The following KRTAP3-3 variants were observed in gnomAD, a reference collection of about 807,000 sequenced individuals.
KRTAP3-3 encodes keratin-associated protein 3-3.
Under a neutral mutation model 5.7 loss-of-function variants are expected in KRTAP3-3, and 8 were observed. That is an observed-to-expected ratio of 1.40 (90% CI 0.82 to 2.52). The LOEUF (loss-of-function observed/expected upper bound fraction) is 2.52. Ranked by LOEUF, KRTAP3-3 falls within the 30% of genes most tolerant of loss-of-function variation. The probability of loss-of-function intolerance (pLI) is 0.00; values close to 1 mark genes in which losing one functional copy is unlikely to be tolerated. For missense variants in KRTAP3-3, 98 were observed against 121.5 expected (o/e 0.81, Z 0.91); for synonymous variants, 49 against 47.0 (o/e 1.04, Z -0.17).
rs766641494 is a variant in KRTAP3-3 at position 40,993,761 on chromosome 17, G to A, written c.*40C>T. 6.2e-7 allele frequency: 1 copy of A among 1,602,986 alleles called. No individual in the cohort carries two copies. Among genetic ancestry groups the A allele is most frequent in the Non-Finnish European group, 8.5e-7 (1 of 1,172,906 alleles). On this transcript the variant is annotated 3_prime_UTR_variant, in exon 1 of 1. Coordinates refer to ENST00000391586, the MANE Select transcript of KRTAP3-3 (RefSeq NM_033185.3). The stretch of plus-strand genomic sequence containing the variant: ...AGGTGAATGCTAAAGCTTCTATGTT[G>A]ACTTTTTCAATCTCAGGCACTGAGC...
Position 40,993,911 on chromosome 17 carries a change from G to A in KRTAP3-3, c.187C>T (p.Pro63Ser), listed in dbSNP as rs1912765812. 6 of 1,613,902 alleles carry A rather than the reference G, an allele frequency of 3.7e-6. No homozygotes were observed. The highest frequency in any genetic ancestry group is 1.7e-5 in the Admixed American group (1 of 59,990). Reference protein sequence around the residue: ...PPCHIPQPCVPTCFLLNSCQP... With the variant: ...PPCHIPQPCVSTCFLLNSCQP... The stretch of plus-strand genomic sequence containing the variant: ...CAGGAGTTGAGCAGGAAGCAGGTGG[G>A]CACGCAGGGCTGAGGAATGTGGCAG... Residue 63 changes from proline (P) to serine (S), a missense_variant, in exon 1 of 1, where the codon CCC becomes TCC. Pro to Ser is a moderately conservative substitution (Grantham distance 74). Transcript: ENST00000391586.
In KRTAP3-3 at chr17:40,993,679, A is replaced by G; in HGVS notation, c.*122T>C. Reference sequence around the variant, plus strand: ...TTTTTTTGCAGGGGGTGATTGTGGTAGTACCATCCTTGTTCCAATTTCTAA... The same window carrying G: ...TTTTTTTGCAGGGGGTGATTGTGGTGGTACCATCCTTGTTCCAATTTCTAA... On this transcript the variant is annotated 3_prime_UTR_variant, in exon 1 of 1. Coordinates refer to ENST00000391586, the MANE Select transcript of KRTAP3-3 (RefSeq NM_033185.3). The G allele has an allele frequency of 7.1e-7, 1 of 1,400,832 alleles. No individual in the cohort carries two copies. Among genetic ancestry groups the G allele is most frequent in the Non-Finnish European group, 9.6e-7 (1 of 1,040,748 alleles). The allele number at this position is 1,400,832 out of a possible 1,614,324, so 86.8% of individuals were successfully genotyped here.
Position 40,994,164 on chromosome 17 carries a change from T to G in KRTAP3-3, c.-67A>C. On this transcript the variant is annotated 5_prime_UTR_variant, in exon 1 of 1. Coordinates refer to ENST00000391586, the MANE Select transcript of KRTAP3-3 (RefSeq NM_033185.3). ...AAGGATAAGGCTTCTGAGGTGTGAA[T>G]ATCTCTCCTTTCTCTGGGGCTCTTA... 4 of 1,556,798 alleles carry G rather than the reference T, an allele frequency of 2.6e-6. No individual in the cohort carries two copies. The highest frequency in any genetic ancestry group is 3.5e-6 in the Non-Finnish European group (4 of 1,137,600).
At position 40,994,105 on chromosome 17, in the gene KRTAP3-3, A is replaced by G. The variant is rs1989365; in HGVS notation, c.-8T>C. 0.37 allele frequency: 603,182 copies of G among 1,613,376 alleles called. 119,400 individuals are homozygous for G. Among genetic ancestry groups the G allele is most frequent in the African/African-American group, 0.63 (47,236 of 74,890 alleles). On this transcript the variant is annotated 5_prime_UTR_variant, in exon 1 of 1. Transcript: ENST00000391586. ...AGAGGCACAGCAATCCATGGCTATT[A>G]GAGTCTGTGGTATTTATGGGTTTGA...
In KRTAP3-3 at chr17:40,994,059, G is replaced by C. The variant is rs765147459; in HGVS notation, c.39C>G (p.Thr13=). The change falls in exon 1 of 1, where the codon ACC becomes ACG. Residue 13 remains threonine (T), a synonymous_variant. Coordinates refer to ENST00000391586, the MANE Select transcript of KRTAP3-3 (RefSeq NM_033185.3). ...AGGAGCAGATGGTGGTGGCAGGCCC[G>C]GTGGGGACACTGCAGCCTCGAGAGG... is the stretch of plus-strand genomic sequence containing the variant. ...CCASRGCSVP[T]GPATTICSSD... 6.2e-7 allele frequency: 1 copy of C among 1,614,198 alleles called. No homozygotes were observed. The highest frequency in any genetic ancestry group is 1.1e-5 in the South Asian group (1 of 91,080).
chr17:40,993,622 C>G lies in KRTAP3-3; in HGVS notation c.*179G>C, dbSNP rs1912753766. 1 of 950,220 alleles carries G rather than the reference C, an allele frequency of 1.1e-6. No individual in the cohort carries two copies. Among genetic ancestry groups the G allele is most frequent in the Middle Eastern group, 3.3e-4 (1 of 3,006 alleles). The allele number at this position is 950,220 out of a possible 1,614,324, so 58.9% of individuals were successfully genotyped here. ...TGATTCAAACTGCAGTTGGTTATAG[C>G]TGAATGGTCATTGAAAGTTTCTTGG... On this transcript the variant is annotated 3_prime_UTR_variant, in exon 1 of 1. Coordinates refer to ENST00000391586, the MANE Select transcript of KRTAP3-3 (RefSeq NM_033185.3).
chr17:40,993,855 G>T lies in KRTAP3-3; in HGVS notation c.243C>A (p.Asn81Lys), dbSNP rs752957662. 9.3e-6 allele frequency: 15 copies of T among 1,614,118 alleles called. No individual in the cohort carries two copies. The highest frequency in any genetic ancestry group is 3.3e-4 in the Middle Eastern group (2 of 6,084). ...CQPTPGLETL[N>K]LTTFTQPCCE... ...AGCAGGGCTGAGTGAAGGTGGTGAGGTTGAGGGTCTCCAGGCCTGGAGTTG... is the reference window on the plus strand; with the variant it reads ...AGCAGGGCTGAGTGAAGGTGGTGAGTTTGAGGGTCTCCAGGCCTGGAGTTG... Residue 81 changes from asparagine to lysine, a missense_variant, in exon 1 of 1, where the codon AAC (asparagine) becomes AAA (lysine). By Grantham distance (94) the Asn-to-Lys change is moderately conservative (BLOSUM62 0). Coordinates refer to ENST00000391586, the MANE Select transcript of KRTAP3-3 (RefSeq NM_033185.3).
chr17:40,994,150 T>C lies in KRTAP3-3; in HGVS notation c.-53A>G. On this transcript the variant is annotated 5_prime_UTR_variant, in exon 1 of 1. Coordinates refer to ENST00000391586, the MANE Select transcript of KRTAP3-3 (RefSeq NM_033185.3). ...GTTTGATTGAAAAGAAGGATAAGGC[T>C]TCTGAGGTGTGAATATCTCTCCTTT... 1 of 1,591,852 alleles carries C rather than the reference T, an allele frequency of 6.3e-7. No homozygotes were observed.
Position 40,993,642 on chromosome 17 carries a change from T to C in KRTAP3-3, c.*159A>G. 8.6e-7 allele frequency: 1 copy of C among 1,162,944 alleles called. No individual in the cohort carries two copies. Among genetic ancestry groups the C allele is most frequent in the Non-Finnish European group, 1.2e-6 (1 of 845,176 alleles). 72.0% of individuals were successfully genotyped at this position (1,162,944 alleles called of 1,614,324 possible). ...TATAGCTGAATGGTCATTGAAAGTT[T>C]CTTGGTCTCTTTTTTTTTGCAGGGG... On this transcript the variant is annotated 3_prime_UTR_variant, in exon 1 of 1. Transcript: ENST00000391586.
Position 40,993,661 on chromosome 17 carries a change from G to T in KRTAP3-3, c.*140C>A. 7.9e-6 allele frequency: 10 copies of T among 1,258,216 alleles called. No individual in the cohort carries two copies. Among genetic ancestry groups the T allele is most frequent in the South Asian group, 1.6e-5 (1 of 61,424 alleles). 77.9% of individuals were successfully genotyped at this position (1,258,216 alleles called of 1,614,324 possible). A position where few individuals can be genotyped will look rare whatever the true frequency, so the allele number is the denominator to read the frequency against. ...AAAGTTTCTTGGTCTCTTTTTTTTTGCAGGGGGTGATTGTGGTAGTACCAT... is the reference window on the plus strand; with the variant it reads ...AAAGTTTCTTGGTCTCTTTTTTTTTTCAGGGGGTGATTGTGGTAGTACCAT... On this transcript the variant is annotated 3_prime_UTR_variant, in exon 1 of 1. Coordinates refer to ENST00000391586, the MANE Select transcript of KRTAP3-3 (RefSeq NM_033185.3).
rs146892008 is a variant in KRTAP3-3 at position 40,993,921 on chromosome 17, C to T, written c.177G>A (p.Gln59=). ...GCAGGAAGCAGGTGGGCACGCAGGG[C>T]TGAGGAATGTGGCAGGGTGGGGGAC... is the stretch of plus-strand genomic sequence containing the variant. ...DNCPPPCHIP[Q]PCVPTCFLLN... The change falls in exon 1 of 1, where the codon CAG becomes CAA. Residue 59 remains glutamine, a synonymous_variant. Coordinates refer to ENST00000391586, the MANE Select transcript of KRTAP3-3 (RefSeq NM_033185.3). The T allele has an allele frequency of 6.4e-5, 104 of 1,614,034 alleles. No individual in the cohort carries two copies. The African/African-American group carries it at 1.3e-3, about 20-fold the overall frequency.
In KRTAP3-3 at chr17:40,993,809, C is replaced by T. The variant is rs749268332; in HGVS notation, c.289G>A (p.Gly97Ser). The T allele has an allele frequency of 1.2e-6, 2 of 1,613,842 alleles. No homozygotes were observed. The highest frequency in any genetic ancestry group is 2.7e-5 in the African/African-American group (2 of 74,926). Residue 97 changes from glycine to serine, a missense_variant, in exon 1 of 1, where the codon GGC becomes AGC. Physicochemically the swap from Gly to Ser is moderately conservative, Grantham distance 56 (BLOSUM62 0). Coordinates refer to ENST00000391586, the MANE Select transcript of KRTAP3-3 (RefSeq NM_033185.3). ...QPCCEPCLPR[G>S]C ...AGCAAAGTAGCCATCCATTAGCAGCCTCTTGGGAGGCAGGGCTCACAGCAG... is the reference window on the plus strand; with the variant it reads ...AGCAAAGTAGCCATCCATTAGCAGCTTCTTGGGAGGCAGGGCTCACAGCAG...
Position 40,993,483 on chromosome 17 carries a change from T to A in KRTAP3-3, c.*318A>T. On this transcript the variant is annotated 3_prime_UTR_variant, in exon 1 of 1. Coordinates refer to ENST00000391586, the MANE Select transcript of KRTAP3-3 (RefSeq NM_033185.3). The stretch of plus-strand genomic sequence containing the variant: ...TTAGGATAATCATGAAGAACTTCCT[T>A]AATTTTCAGAAAGATACCACCCAAG... The A allele has an allele frequency of 2.8e-6, 1 of 362,280 alleles. No individual in the cohort carries two copies. Among genetic ancestry groups the A allele is most frequent in the East Asian group, 4.5e-5 (1 of 22,428 alleles). 22.4% of individuals were successfully genotyped at this position (362,280 alleles called of 1,614,324 possible).
In KRTAP3-3 at chr17:40,993,981, T is replaced by A. The variant is rs1468451475; in HGVS notation, c.117A>T (p.Thr39=). 4 of 1,614,050 alleles carry A rather than the reference T, an allele frequency of 2.5e-6. No homozygotes were observed. The highest frequency in any genetic ancestry group is 2.5e-6 in the Non-Finnish European group (3 of 1,179,994). The change falls in exon 1 of 1, where the codon ACA becomes ACT. Residue 39 remains threonine, a synonymous_variant. Coordinates refer to ENST00000391586, the MANE Select transcript of KRTAP3-3 (RefSeq NM_033185.3). ...AGCAGGTGGGCTCCAGTAACCAAAC[T>A]GTGTGTGGGCAGGTGCTGGGCAGGC... is the stretch of plus-strand genomic sequence containing the variant. The part of the protein sequence containing the change: ...GVCLPSTCPH[T]VWLLEPTCCD...
chr17:40,993,968 C>G lies in KRTAP3-3; in HGVS notation c.130G>C (p.Glu44Gln). Residue 44 changes from glutamate to glutamine, a missense_variant, in exon 1 of 1, where the codon GAG becomes CAG. Coordinates refer to ENST00000391586, the MANE Select transcript of KRTAP3-3 (RefSeq NM_033185.3). ...STCPHTVWLLEPTCCDNCPPP... is the reference protein window; with the variant it reads ...STCPHTVWLLQPTCCDNCPPP... ...GGACAGTTGTCACAGCAGGTGGGCTCCAGTAACCAAACTGTGTGTGGGCAG... is the reference window on the plus strand; with the variant it reads ...GGACAGTTGTCACAGCAGGTGGGCTGCAGTAACCAAACTGTGTGTGGGCAG... 2.5e-6 allele frequency: 4 copies of G among 1,614,086 alleles called. No individual in the cohort carries two copies. Among genetic ancestry groups the G allele is most frequent in the Non-Finnish European group, 3.4e-6 (4 of 1,180,016 alleles).
chr17:40,993,721 TG>T lies in KRTAP3-3; in HGVS notation c.*79del. On this transcript the variant is annotated 3_prime_UTR_variant, in exon 1 of 1. Coordinates refer to ENST00000391586, the MANE Select transcript of KRTAP3-3 (RefSeq NM_033185.3). ...AATTTCTAAAGCAGAGTACATTAGT[TG>T]TAGGTACTGAGATAGGTGAATGCTA... The T allele has an allele frequency of 1.3e-6, 2 of 1,549,506 alleles. No homozygotes were observed. The highest frequency in any genetic ancestry group is 2.5e-5 in the South Asian group (2 of 81,048).
Position 40,993,757 on chromosome 17 carries a change from T to G in KRTAP3-3, c.*44A>C. The G allele has an allele frequency of 6.2e-7, 1 of 1,601,198 alleles. No homozygotes were observed. The highest frequency in any genetic ancestry group is 8.5e-7 in the Non-Finnish European group (1 of 1,171,982). On this transcript the variant is annotated 3_prime_UTR_variant, in exon 1 of 1. Transcript: ENST00000391586. ...AGATAGGTGAATGCTAAAGCTTCTA[T>G]GTTGACTTTTTCAATCTCAGGCACT...
chr17:40,993,664 G>T lies in KRTAP3-3; in HGVS notation c.*137C>A. ...GTTTCTTGGTCTCTTTTTTTTTGCAGGGGGTGATTGTGGTAGTACCATCCT... is the reference window on the plus strand; with the variant it reads ...GTTTCTTGGTCTCTTTTTTTTTGCATGGGGTGATTGTGGTAGTACCATCCT... On this transcript the variant is annotated 3_prime_UTR_variant, in exon 1 of 1. Transcript: ENST00000391586. 1 of 1,305,636 alleles carries T rather than the reference G, an allele frequency of 7.7e-7. No individual in the cohort carries two copies. The highest frequency in any genetic ancestry group is 1.0e-6 in the Non-Finnish European group (1 of 966,460). 80.9% of individuals were successfully genotyped at this position (1,305,636 alleles called of 1,614,324 possible). A position where few individuals can be genotyped will look rare whatever the true frequency, so the allele number is the denominator to read the frequency against.
chr17:40,993,985 T>C lies in KRTAP3-3; in HGVS notation c.113A>G (p.His38Arg), dbSNP rs1208382446. Residue 38 changes from histidine (H) to arginine (R), a missense_variant, in exon 1 of 1, where the codon CAC (histidine) becomes CGC (arginine). By Grantham distance (29) the His-to-Arg change is conservative. Transcript: ENST00000391586. ...GGTGGGCTCCAGTAACCAAACTGTG[T>C]GTGGGCAGGTGCTGGGCAGGCAGAC... ...CGVCLPSTCP[H>R]TVWLLEPTCC... 2.0e-5 allele frequency: 33 copies of C among 1,613,936 alleles called. No homozygotes were observed. The highest frequency in any genetic ancestry group is 2.7e-5 in the Non-Finnish European group (32 of 1,180,010).
Sources: allele counts gnomAD v4.1 joint callset, GRCh38; gene constraint gnomAD v4.1.1; transcripts MANE v1.5; gene names NCBI Gene and HGNC (gene_info 2026-07-23, HGNC 2026-07-21).